Variants in CATSPERE observed in about 807,000 individuals in gnomAD.
The protein encoded by CATSPERE is cation channel sperm-associated auxiliary subunit epsilon.
CATSPERE carries 93 observed loss-of-function variants against 114.1 expected under a neutral mutation model. The ratio of observed to expected loss-of-function variants is 0.81; its 90% CI spans 0.69 to 0.97. CATSPERE has a LOEUF of 0.97. Among genes scored for constraint, CATSPERE ranks in the 50% least tolerant of loss-of-function variants. The probability of loss-of-function intolerance (pLI) is 0.00; values close to 1 mark genes in which losing one functional copy is unlikely to be tolerated. For synonymous variants in CATSPERE, 341 were observed against 384.1 expected (o/e 0.89, Z 1.31); for missense variants, 1,058 against 1,131.6 (o/e 0.93, Z 0.93).
At chr1:244,591,930 C>T (rs1667770933) in intron 15 of CATSPERE, among the ~76,000 whole-genome samples, 199 bp downstream of exon 15, 1 of 152,182 alleles carries the variant, frequency 6.6e-6, no homozygotes, top group Non-Finnish European at 1.5e-5. Flanking sequence ...CTTCCCCCTT[C>T]AATTTAATTG....
chr1:244,576,214 T>C (rs12408740), intron 11 of CATSPERE, among the ~76,000 whole-genome samples: 27,649 of 151,658 alleles, frequency 0.18, 3,724 homozygotes, highest in East Asian at 0.41. Context: ...TTATTCATCA[T>C]ACTGAGTGGG....
At chr1:244,629,169 G>T (rs190773010) in intron 20 of CATSPERE, among the ~76,000 whole-genome samples, 1 of 152,184 alleles carries the variant, frequency 6.6e-6, no homozygotes, top group East Asian at 1.9e-4. Context: ...CAGAACTTCC[G>T]CAGTCACACA....
In CATSPERE at chr1:244,575,511, G is replaced by T. The variant is rs187625396; in HGVS notation, c.1950+2739G>T. Among the ~76,000 whole-genome samples the T allele has an allele frequency of 2.6e-5, 4 of 152,344 alleles. No individual in the cohort carries two copies. Among genetic ancestry groups the T allele is most frequent in the Admixed American group, 2.6e-4 (4 of 15,304 alleles). On this transcript the variant is annotated intron_variant, in intron 11 of 21. Transcript: ENST00000366534. This position sits in a 1 kb window ranked among gnomAD's most constrained non-coding sequence, Gnocchi z 4.5. ...TGGCAGGACGTACCTGAGCAGCACA[G>T]AAGGCTTGGGGCTCGACAGCTGGTG...
intron 8 of CATSPERE, among the ~76,000 whole-genome samples, chr1:244,537,299 A>T (rs1406976573): frequency 6.6e-6 from 1 of 152,126 alleles, no homozygotes; most frequent in Non-Finnish European, 1.5e-5. Flanking sequence ...TTTCTTCTTT[A>T]GCCTGTTAAT....
intron 20 of CATSPERE, among the ~76,000 whole-genome samples, chr1:244,624,127 A>ACTTTTTT: frequency 8.0e-5 from 1 of 12,448 alleles, no homozygotes; most frequent in African/African-American, 2.5e-4. Context: ...ATGCCCAGCT[A>ACTTTTTT]ATTTTTTTTT....
upstream of CATSPERE, chr1:244,451,962 C>G (rs556630544): frequency 4.7e-4 from 367 of 787,784 alleles, no homozygotes; most frequent in Admixed American, 6.9e-4. This position sits in a 1 kb window ranked among gnomAD's most constrained non-coding sequence, Gnocchi z 6.6. Flanking sequence ...CCGCCACCCT[C>G]CAGCCAGTCC....
At chr1:244,578,791 A>G (rs10803224) in intron 11 of CATSPERE, among the ~76,000 whole-genome samples, 27,252 of 142,956 alleles carry the variant, frequency 0.19, 3,753 homozygotes, top group East Asian at 0.41. Flanking sequence ...GTACATATAT[A>G]TGTATACAGG....
At chr1:244,510,578 T>C (rs61844031) in intron 7 of CATSPERE, among the ~76,000 whole-genome samples, 24,346 of 152,150 alleles carry the variant, frequency 0.16, 2,078 homozygotes, top group African/African-American at 0.2. Context: ...AGAATGTGTA[T>C]TCTGTACTTT....
intron 13 of CATSPERE, among the ~76,000 whole-genome samples, chr1:244,587,775 G>C (rs1213278882): frequency 6.6e-6 from 1 of 152,154 alleles, no homozygotes; most frequent in South Asian, 2.1e-4. Context: ...AGAAATTACT[G>C]GTCTACAAAA....
chr1:244,609,060 C>G (rs546538253), intron 18 of CATSPERE, among the ~76,000 whole-genome samples: 1 of 152,064 alleles, frequency 6.6e-6, no homozygotes. Flanking sequence ...GTAGCACACA[C>G]CTGTAGTCCT....
At chr1:244,481,000 C>T (rs926635499) in intron 5 of CATSPERE, among the ~76,000 whole-genome samples, 30 of 152,152 alleles carry the variant, frequency 2.0e-4, no homozygotes, top group Admixed American at 3.9e-4. Context: ...AGAGCCCTGG[C>T]GCAGTGGCTC....
intron 8 of CATSPERE, among the ~76,000 whole-genome samples, chr1:244,528,992 T>G (rs1679165472): frequency 6.6e-6 from 1 of 152,210 alleles, no homozygotes; most frequent in African/African-American, 2.4e-5. Flanking sequence ...ACCCATATTG[T>G]TGCACGTGAC....
At chr1:244,583,249 A>G (rs920125944) in intron 12 of CATSPERE, among the ~76,000 whole-genome samples, 2 of 152,032 alleles carry the variant, frequency 1.3e-5, no homozygotes, top group Non-Finnish European at 2.9e-5. Context: ...AGGTGTAGGT[A>G]TAAATCAAAC....
At chr1:244,612,786 C>T (rs1005721646) in intron 19 of CATSPERE, among the ~76,000 whole-genome samples, 3 of 152,122 alleles carry the variant, frequency 2.0e-5, no homozygotes, top group Admixed American at 6.5e-5. Context: ...CTCAGCCTCC[C>T]AAGTAGCTGG....
intron 2 of CATSPERE, among the ~76,000 whole-genome samples, chr1:244,469,816 A>G (rs1668187528): frequency 6.6e-6 from 1 of 152,198 alleles, no homozygotes; most frequent in African/African-American, 2.4e-5. Flanking sequence ...TACTAAGCTT[A>G]CTACAAAGCT....
chr1:244,584,544 A>G lies in CATSPERE; in HGVS notation c.2085+605A>G, dbSNP rs1224891023. 8.1e-5 allele frequency among the ~76,000 whole-genome samples: 12 copies of G among 148,494 alleles called. No homozygotes were observed. The East Asian group carries it at 2.4e-3, about 30-fold the overall frequency. On this transcript the variant is annotated intron_variant, in intron 13 of 21. Coordinates refer to ENST00000366534, the MANE Select transcript of CATSPERE (RefSeq NM_001130957.2). ...GAACAGTATTATTACTATATTATAT[A>G]TTATATTATAGTATTGTGAAATTCA...
intron 1 of CATSPERE, among the ~76,000 whole-genome samples, chr1:244,462,461 C>G (rs2148065888): frequency 6.6e-6 from 1 of 152,238 alleles, no homozygotes; most frequent in South Asian, 2.1e-4. Context: ...GTTGAGGGAG[C>G]AGGTGAGGAG....
intron 10 of CATSPERE, among the ~76,000 whole-genome samples, chr1:244,565,011 G>T (rs910233922): frequency 6.6e-5 from 10 of 152,086 alleles, no homozygotes; most frequent in Admixed American, 3.9e-4. Context: ...ACAAACATGT[G>T]GTTTTTGTCA....
At chr1:244,574,591 A>G (rs1331987809) in intron 11 of CATSPERE, among the ~76,000 whole-genome samples, 1 of 152,168 alleles carries the variant, frequency 6.6e-6, no homozygotes, top group Non-Finnish European at 1.5e-5. Flanking sequence ...TTTAAAAGAA[A>G]AAGTTTTTCT....
Sources: allele counts gnomAD v4.1 joint callset (sites outside exome capture counted in the v4.1 genomes callset), GRCh38; gene constraint gnomAD v4.1.1; non-coding constraint Gnocchi (gnomAD v3.1); transcripts MANE v1.5; gene names NCBI Gene and HGNC (gene_info 2026-07-23, HGNC 2026-07-21).